The following KLF12 variants were observed in gnomAD, a reference collection of about 807,000 sequenced individuals.
KLF12 encodes KLF transcription factor 12.
KLF12 carries 9 observed loss-of-function variants against 37.8 expected under a neutral mutation model. The ratio of observed to expected loss-of-function variants is 0.24; its 90% CI spans 0.14 to 0.42. The LOEUF (loss-of-function observed/expected upper bound fraction) is 0.42. KLF12 is among the 10% of genes least tolerant of loss of function. The pLI, the probability that KLF12 is intolerant of heterozygous loss-of-function variation, is 1.00. For missense variants in KLF12, 411 were observed against 516.0 expected (o/e 0.80, Z 1.97); for synonymous variants, 208 against 202.1 (o/e 1.03, Z -0.25).
intron 4 of KLF12, among the ~76,000 whole-genome samples, chr13:73,842,462 CT>C (rs1884788939): frequency 6.6e-6 from 1 of 152,162 alleles, no homozygotes; most frequent in Non-Finnish European, 1.5e-5. Flanking sequence ...AACACTGTAT[CT>C]TTGGTGTCAA....
intron 1 of KLF12, among the ~76,000 whole-genome samples, chr13:74,129,397 AC>A (rs1878136563): frequency 6.6e-6 from 1 of 152,230 alleles, no homozygotes; most frequent in Non-Finnish European, 1.5e-5. Flanking sequence ...GGCCATATAT[AC>A]TGAGAAGCAT....
chr13:73,757,385 T>A (rs985678011), intron 6 of KLF12, among the ~76,000 whole-genome samples: 27 of 152,320 alleles, frequency 1.8e-4, no homozygotes, highest in African/African-American at 6.5e-4. Flanking sequence ...AAATGTATTA[T>A]TAGGATACTG....
the KLF12 span, among the ~76,000 whole-genome samples, chr13:74,238,768 T>G: frequency 3.3e-5 from 5 of 152,108 alleles, no homozygotes; most frequent in Non-Finnish European, 5.9e-5. Flanking sequence ...TTTGTATTTC[T>G]GTGGGATCAG....
intron 3 of KLF12, among the ~76,000 whole-genome samples, chr13:73,904,507 T>C (rs1169630901): frequency 6.7e-6 from 1 of 149,384 alleles, no homozygotes; most frequent in Non-Finnish European, 1.5e-5. Flanking sequence ...ATTCAGTTCA[T>C]TTAACTTTGC....
At chr13:74,064,942 T>C (rs1161621834) in intron 1 of KLF12, among the ~76,000 whole-genome samples, 1 of 152,208 alleles carries the variant, frequency 6.6e-6, no homozygotes, top group Non-Finnish European at 1.5e-5. Context: ...CACACTCATG[T>C]ATACGTTATT....
Position 73,950,485 on chromosome 13 carries a change from T to C in KLF12, c.34-6415A>G, listed in dbSNP as rs148596445. On this transcript the variant is annotated intron_variant, in intron 2 of 7. Transcript: ENST00000377669. ...AAATTGTACTAGAAAAGTATTTCTG[T>C]CATTCATACTCTGAAAAACTGCACA... 2.2e-3 allele frequency among the ~76,000 whole-genome samples: 341 copies of C among 152,330 alleles called. 3 individuals carry two copies. The highest frequency in any genetic ancestry group is 4.6e-3 in the Admixed American group (70 of 15,304).
chr13:73,989,434 A>C (rs1891906157), intron 2 of KLF12, among the ~76,000 whole-genome samples: 1 of 152,264 alleles, frequency 6.6e-6, no homozygotes, highest in South Asian at 2.1e-4. Context: ...AAGCAGAGAA[A>C]GTGTTGTTGA....
At chr13:74,057,089 T>A (rs1396457137) in intron 1 of KLF12, among the ~76,000 whole-genome samples, 2 of 152,232 alleles carry the variant, frequency 1.3e-5, no homozygotes, top group Non-Finnish European at 2.9e-5. Context: ...TACAAGCTGC[T>A]GAATCCTGAA....
chr13:73,929,133 G>C (rs1417624594), intron 3 of KLF12, among the ~76,000 whole-genome samples: 1 of 152,154 alleles, frequency 6.6e-6, no homozygotes, highest in Non-Finnish European at 1.5e-5. Flanking sequence ...AATTGGGTGG[G>C]TAGTGATTGT....
the KLF12 span, among the ~76,000 whole-genome samples, chr13:74,242,989 T>G: frequency 2.0e-5 from 3 of 152,242 alleles, no homozygotes; most frequent in Non-Finnish European, 2.9e-5. Context: ...ATGCAGAACG[T>G]GCAGGATTGT....
the KLF12 span, among the ~76,000 whole-genome samples, chr13:74,153,712 C>T: frequency 6.6e-6 from 1 of 152,278 alleles, no homozygotes; most frequent in Non-Finnish European, 1.5e-5. Context: ...AGAACACTTG[C>T]AGTGTGGTAG....
intron 5 of KLF12, among the ~76,000 whole-genome samples, chr13:73,785,700 A>G (rs902275227): frequency 6.6e-5 from 10 of 152,100 alleles, no homozygotes; most frequent in African/African-American, 1.7e-4. Context: ...TTTATAGTCA[A>G]TAACACTTAG....
At chr13:73,742,361 G>A (rs1343639208) in intron 6 of KLF12, among the ~76,000 whole-genome samples, 1 of 151,980 alleles carries the variant, frequency 6.6e-6, no homozygotes, top group Non-Finnish European at 1.5e-5. Flanking sequence ...AATATAGAGT[G>A]TATATAAATT....
the KLF12 span, among the ~76,000 whole-genome samples, chr13:74,281,666 T>G: frequency 6.6e-6 from 1 of 152,188 alleles, no homozygotes; most frequent in Non-Finnish European, 1.5e-5. Flanking sequence ...AACATCAAAA[T>G]ATGTACAAAT....
the KLF12 span, among the ~76,000 whole-genome samples, chr13:74,162,950 T>G: frequency 1.2e-4 from 19 of 152,030 alleles, no homozygotes; most frequent in Non-Finnish European, 2.2e-4. Flanking sequence ...GGTACTCAAG[T>G]CCAGTGAGTT....
At chr13:74,140,267 A>C in the KLF12 span, among the ~76,000 whole-genome samples, 1 of 152,222 alleles carries the variant, frequency 6.6e-6, no homozygotes, top group East Asian at 1.9e-4. Context: ...TCACACTTAC[A>C]GGCTCAATAC....
chr13:74,029,220 G>A (rs1012795339), intron 1 of KLF12, among the ~76,000 whole-genome samples: 3 of 151,806 alleles, frequency 2.0e-5, no homozygotes, highest in Non-Finnish European at 2.9e-5. Flanking sequence ...AAAAAGAAAG[G>A]GATTTATAAA....
At chr13:74,271,381 G>C in the KLF12 span, among the ~76,000 whole-genome samples, 3 of 152,032 alleles carry the variant, frequency 2.0e-5, no homozygotes, top group African/African-American at 7.2e-5. Flanking sequence ...ATTAATATGA[G>C]GTCTCTAATC....
the KLF12 span, among the ~76,000 whole-genome samples, chr13:74,250,385 G>A: frequency 6.6e-6 from 1 of 152,184 alleles, no homozygotes; most frequent in African/African-American, 2.4e-5. Context: ...TCATCAGCAG[G>A]TAGGATGAGG....
Sources: gnomAD v4.1 joint callset for allele counts (sites outside exome capture counted in the v4.1 genomes callset) on GRCh38, gnomAD v4.1.1 for gene constraint, MANE v1.5 for transcripts, NCBI Gene and HGNC (gene_info 2026-07-23, HGNC 2026-07-21) for gene names.